Variants in CNTNAP2 observed in about 807,000 individuals in gnomAD.
CNTNAP2 encodes contactin-associated protein-like 2.
A neutral mutation model predicts 155.2 loss-of-function variants in CNTNAP2; 98 were observed. The observed-to-expected ratio is 0.63, with a 90% CI of 0.54 to 0.75. CNTNAP2 has a LOEUF of 0.75. Among genes scored for constraint, CNTNAP2 ranks in the 30% least tolerant of loss-of-function variants. The pLI is 0.00. For synonymous variants in CNTNAP2, 651 were observed against 631.2 expected, an observed-to-expected ratio of 1.03 and a Z score of -0.47; for missense variants, 1,727 against 1,688.1, an observed-to-expected ratio of 1.02 and a Z score of -0.40.
intron 14 of CNTNAP2, among the ~76,000 whole-genome samples, chr7:147,914,889 A>G (rs796946232): frequency 2.0e-5 from 3 of 152,290 alleles, no homozygotes; most frequent in Admixed American, 6.5e-5. Flanking sequence ...TAACCTTTAT[A>G]CATGCATACA....
intron 1 of CNTNAP2, among the ~76,000 whole-genome samples, chr7:146,593,926 G>T (rs571047897): frequency 1.3e-5 from 2 of 152,052 alleles, no homozygotes; most frequent in African/African-American, 4.8e-5. Context: ...GTTTAGCCAG[G>T]TTCTCCCATG....
chr7:146,415,378 A>C (rs529694982), intron 1 of CNTNAP2, among the ~76,000 whole-genome samples: 12 of 152,206 alleles, frequency 7.9e-5, no homozygotes, highest in Non-Finnish European at 1.5e-4. Context: ...TTGTGTTACA[A>C]TATTAGGAAT....
chr7:148,102,532 A>C (rs1409314018), intron 15 of CNTNAP2, among the ~76,000 whole-genome samples: 1 of 152,228 alleles, frequency 6.6e-6, no homozygotes, highest in Non-Finnish European at 1.5e-5. Context: ...TCAATTTTAC[A>C]ACTTGAAATA....
chr7:146,483,293 A>ATG (rs1796999261), intron 1 of CNTNAP2, among the ~76,000 whole-genome samples: 2 of 59,230 alleles, frequency 3.4e-5, no homozygotes, highest in South Asian at 4.4e-4. Context: ...ATATATATAT[A>ATG]TATATATATA....
intron 3 of CNTNAP2, among the ~76,000 whole-genome samples, chr7:146,877,005 G>A (rs955293540): frequency 1.2e-4 from 18 of 152,136 alleles, no homozygotes; most frequent in African/African-American, 2.4e-4. Context: ...TGCTTTAAGC[G>A]TTTTTCATTG....
At chr7:146,947,336 A>C (rs1453837633) in intron 3 of CNTNAP2, among the ~76,000 whole-genome samples, 1 of 149,496 alleles carries the variant, frequency 6.7e-6, no homozygotes, top group South Asian at 2.1e-4. Context: ...GTAAATTTTT[A>C]AGATAATTGA....
At chr7:148,269,111 G>C (rs1460234219) in intron 21 of CNTNAP2, among the ~76,000 whole-genome samples, 1 of 152,178 alleles carries the variant, frequency 6.6e-6, no homozygotes, top group African/African-American at 2.4e-5. Context: ...ATCCAGAAGA[G>C]AGGGGGAAAG....
chr7:147,208,642 C>G (rs1803071099), intron 8 of CNTNAP2, among the ~76,000 whole-genome samples: 1 of 151,954 alleles, frequency 6.6e-6, no homozygotes, highest in African/African-American at 2.4e-5. Context: ...AATTATAATT[C>G]TAACCATTTT....
rs369908803 is a variant in CNTNAP2 at position 147,121,077 on chromosome 7, G to C, written c.853G>C (p.Gly285Arg). The change falls in exon 6 of 24, where the codon GGG (glycine) becomes CGG (arginine). Residue 285 changes from glycine to arginine, a missense_variant. Physicochemically the swap from Gly to Arg is moderately radical, Grantham distance 125. Coordinates refer to ENST00000361727, the MANE Select transcript of CNTNAP2 (RefSeq NM_014141.6). ...GCACTCTGTGGTCATTGAGCGCCAG[G>C]GGCGGAGCATTAACCTCACTCTGGA... The part of the protein sequence containing the change: ...HWHSVVIERQ[G>R]RSINLTLDRS... The C allele has an allele frequency of 2.0e-5, 32 of 1,613,978 alleles. No homozygotes were observed. Among genetic ancestry groups the C allele is most frequent in the Non-Finnish European group, 2.5e-5 (29 of 1,180,012 alleles).
At chr7:146,749,706 A>G (rs543959499) in intron 1 of CNTNAP2, among the ~76,000 whole-genome samples, 1 of 152,348 alleles carries the variant, frequency 6.6e-6, no homozygotes, top group African/African-American at 2.4e-5. Flanking sequence ...TGAATGAAAA[A>G]TTAAAAAGAA....
At chr7:148,280,548 C>T (rs982146384) in intron 21 of CNTNAP2, among the ~76,000 whole-genome samples, 2 of 152,178 alleles carry the variant, frequency 1.3e-5, no homozygotes, top group African/African-American at 2.4e-5. Flanking sequence ...GGGCAAAATA[C>T]ACAGGGGATC....
intron 8 of CNTNAP2, among the ~76,000 whole-genome samples, chr7:147,176,730 T>C (rs1802349035): frequency 8.2e-6 from 1 of 121,364 alleles, no homozygotes; most frequent in Admixed American, 9.7e-5. Flanking sequence ...ATATTATATA[T>C]AATAGAATTA....
At chr7:147,583,035 T>C (rs1800538045) in intron 12 of CNTNAP2, among the ~76,000 whole-genome samples, 1 of 152,158 alleles carries the variant, frequency 6.6e-6, no homozygotes, top group Non-Finnish European at 1.5e-5. Context: ...TAAGGTGATA[T>C]TGATTACATT....
intron 1 of CNTNAP2, among the ~76,000 whole-genome samples, chr7:146,671,725 C>T (rs966199505): frequency 6.6e-6 from 1 of 152,054 alleles, no homozygotes; most frequent in African/African-American, 2.4e-5. Flanking sequence ...ATAATTTAGC[C>T]TTATATTTCT....
chr7:146,574,524 G>A (rs1482102816), intron 1 of CNTNAP2, among the ~76,000 whole-genome samples: 2 of 152,030 alleles, frequency 1.3e-5, no homozygotes, highest in Non-Finnish European at 2.9e-5. Context: ...AACATGGTGA[G>A]ACTCCGTCTC....
intron 1 of CNTNAP2, among the ~76,000 whole-genome samples, chr7:146,246,149 G>C (rs182319649): frequency 1.3e-4 from 19 of 151,796 alleles, no homozygotes; most frequent in South Asian, 4.2e-4. Flanking sequence ...AGTGGGGTAA[G>C]GGTGATTAGG....
intron 15 of CNTNAP2, among the ~76,000 whole-genome samples, chr7:148,008,978 C>A (rs550468206): frequency 1.3e-5 from 2 of 152,126 alleles, no homozygotes; most frequent in Middle Eastern, 3.2e-3. Flanking sequence ...GAGTAACAAA[C>A]CCTTAATAGA....
chr7:148,105,382 G>A (rs1804185120), intron 15 of CNTNAP2, among the ~76,000 whole-genome samples: 1 of 152,162 alleles, frequency 6.6e-6, no homozygotes, highest in Admixed American at 6.5e-5. Flanking sequence ...CATTGTCATG[G>A]TGGGAACAAT....
At chr7:146,877,366 G>A (rs1795450614) in intron 3 of CNTNAP2, among the ~76,000 whole-genome samples, 1 of 151,862 alleles carries the variant, frequency 6.6e-6, no homozygotes, top group Non-Finnish European at 1.5e-5. Context: ...TTAGCCTAGT[G>A]TGGTGCCATG....
Sources: gnomAD v4.1 joint callset for allele counts (sites outside exome capture counted in the v4.1 genomes callset) on GRCh38, gnomAD v4.1.1 for gene constraint, MANE v1.5 for transcripts, NCBI Gene and HGNC (gene_info 2026-07-23, HGNC 2026-07-21) for gene names.